The following DLC1 variants were observed in gnomAD, a reference collection of about 807,000 sequenced individuals.
The protein encoded by DLC1 is rho GTPase-activating protein 7.
Under a neutral mutation model 140.3 loss-of-function variants are expected in DLC1, and 54 were observed. The observed-to-expected ratio is 0.38, with a 90% CI of 0.31 to 0.48. DLC1 has a LOEUF of 0.48. Among genes scored for constraint, DLC1 ranks in the 20% least tolerant of loss-of-function variants. The pLI, the probability that DLC1 is intolerant of heterozygous loss-of-function variation, is 0.96. For missense variants in DLC1, 2,536 were observed against 1,907.0 expected, an observed-to-expected ratio of 1.33 and a Z score of -6.14; for synonymous variants, 986 against 728.1, an observed-to-expected ratio of 1.35 and a Z score of -5.70.
At chr8:13,377,563 A>G (rs111435849) in intron 4 of DLC1, among the ~76,000 whole-genome samples, 2 of 152,176 alleles carry the variant, frequency 1.3e-5, no homozygotes, top group African/African-American at 4.8e-5. Context: ...ATCCTAAGAC[A>G]TCAATTTTTA....
intron 5 of DLC1, among the ~76,000 whole-genome samples, chr8:13,121,660 T>G (rs949888188): frequency 6.6e-6 from 1 of 152,096 alleles, no homozygotes; most frequent in African/African-American, 2.4e-5. Context: ...GAAACCCTCC[T>G]GCCTCAGCCT....
At chr8:13,361,920 C>G (rs1835245166) in intron 4 of DLC1, among the ~76,000 whole-genome samples, 1 of 152,142 alleles carries the variant, frequency 6.6e-6, no homozygotes, top group South Asian at 2.1e-4. Context: ...AATGCTAGGC[C>G]AAGCTGAGAC....
chr8:13,267,227 C>T (rs749268572), intron 5 of DLC1, among the ~76,000 whole-genome samples: 3 of 152,028 alleles, frequency 2.0e-5, no homozygotes, highest in Non-Finnish European at 4.4e-5. Context: ...TACTTTTAGA[C>T]CTGAAATGGG....
chr8:13,360,790 C>A (rs1359438589), intron 4 of DLC1, among the ~76,000 whole-genome samples: 2 of 151,866 alleles, frequency 1.3e-5, no homozygotes, highest in East Asian at 1.9e-4. Context: ...ATCTTACTAC[C>A]CACATACAAA....
chr8:13,450,712 C>G (rs1403630721), intron 2 of DLC1, among the ~76,000 whole-genome samples: 2 of 151,916 alleles, frequency 1.3e-5, no homozygotes, highest in South Asian at 2.1e-4. Context: ...CAGCCATCAA[C>G]ATAGTTCTCC....
At chr8:13,127,046 C>G (rs1050386152) in intron 5 of DLC1, among the ~76,000 whole-genome samples, 1 of 152,170 alleles carries the variant, frequency 6.6e-6, no homozygotes, top group African/African-American at 2.4e-5. Context: ...ATTTCTATGT[C>G]AAACCTCAAA....
chr8:13,199,005 C>T (rs1452927185), intron 5 of DLC1, among the ~76,000 whole-genome samples: 1 of 152,054 alleles, frequency 6.6e-6, no homozygotes, highest in African/African-American at 2.4e-5. Context: ...GTGTGAGCCA[C>T]CGTGTCCGGC....
chr8:13,279,230 C>G (rs1284228588), intron 5 of DLC1, among the ~76,000 whole-genome samples: 2 of 152,326 alleles, frequency 1.3e-5, no homozygotes, highest in Non-Finnish European at 2.9e-5. Context: ...GAACCAAGGT[C>G]TGGTTCAACA....
chr8:13,134,739 G>C (rs1822424495), intron 5 of DLC1, among the ~76,000 whole-genome samples: 1 of 152,132 alleles, frequency 6.6e-6, no homozygotes, highest in Non-Finnish European at 1.5e-5. Flanking sequence ...TGGGAGGATT[G>C]CTTGATCCCG....
At chr8:13,327,505 T>TG (rs5889433) in intron 4 of DLC1, among the ~76,000 whole-genome samples, 112,787 of 146,536 alleles carry the variant, frequency 0.77, 43,886 homozygotes, top group Middle Eastern at 0.92. Context: ...GCGGTGGGGG[T>TG]GGGGGTTTCT....
chr8:13,285,043 A>G (rs1269224710), intron 5 of DLC1, among the ~76,000 whole-genome samples: 1 of 152,200 alleles, frequency 6.6e-6, no homozygotes, highest in African/African-American at 2.4e-5. Flanking sequence ...TCTAATGTAT[A>G]TGGAAATACA....
At chr8:13,243,761 T>A (rs1829641590) in intron 5 of DLC1, among the ~76,000 whole-genome samples, 1 of 152,226 alleles carries the variant, frequency 6.6e-6, no homozygotes, top group African/African-American at 2.4e-5. Context: ...CAACATCAAG[T>A]TACTAGCAAC....
At chr8:13,435,628 G>A (rs1839085028) in intron 2 of DLC1, among the ~76,000 whole-genome samples, 2 of 152,154 alleles carry the variant, frequency 1.3e-5, no homozygotes, top group Admixed American at 1.3e-4. Flanking sequence ...GTTGTTTCTT[G>A]TGGATAAACA....
chr8:13,560,091 A>G (rs1804185762), intron 1 of DLC1, among the ~76,000 whole-genome samples: 2 of 152,222 alleles, frequency 1.3e-5, no homozygotes, highest in South Asian at 4.1e-4. Flanking sequence ...CATATTTAAC[A>G]TTATTTGTTG....
At chr8:13,217,125 AC>A (rs2117132304) in intron 5 of DLC1, among the ~76,000 whole-genome samples, 1 of 152,248 alleles carries the variant, frequency 6.6e-6, no homozygotes, top group Admixed American at 6.5e-5. Flanking sequence ...GTAAATAAAA[AC>A]CTAAGTTCTA....
At chr8:13,151,096 A>G (rs1823774775) in intron 5 of DLC1, among the ~76,000 whole-genome samples, 1 of 152,212 alleles carries the variant, frequency 6.6e-6, no homozygotes, top group Non-Finnish European at 1.5e-5. Context: ...TTGAATTACA[A>G]GAGGAGAATG....
chr8:13,159,497 T>C lies in DLC1; in HGVS notation c.1349-43840A>G, dbSNP rs575245742. Among the ~76,000 whole-genome samples the C allele has an allele frequency of 3.7e-4, 57 of 152,262 alleles. No individual in the cohort carries two copies. The Middle Eastern group carries it at 0.01, about 27-fold the overall frequency. ...AGTGGGCTCTCCGGGCTCTGTGCCC[T>C]CTCCCTTGCTGAAGGCACCATCTCA... On this transcript the variant is annotated intron_variant, in intron 5 of 17. Coordinates refer to ENST00000276297, the MANE Select transcript of DLC1 (RefSeq NM_182643.3).
intron 5 of DLC1, among the ~76,000 whole-genome samples, chr8:13,254,985 T>A (rs920093383): frequency 1.3e-5 from 2 of 151,142 alleles, no homozygotes; most frequent in Admixed American, 6.6e-5. Flanking sequence ...TCTTTTTTCT[T>A]ATTTTTTTTG....
intron 5 of DLC1, among the ~76,000 whole-genome samples, chr8:13,141,349 C>A (rs2410026): frequency 1 from 151,172 of 151,310 alleles, 75,517 homozygotes; most frequent in East Asian, 1. Flanking sequence ...TTTTGACTTA[C>A]ATTTTCTGTA....
Sources: allele counts gnomAD v4.1 joint callset (sites outside exome capture counted in the v4.1 genomes callset), GRCh38; gene constraint gnomAD v4.1.1; transcripts MANE v1.5; gene names NCBI Gene and HGNC (gene_info 2026-07-23, HGNC 2026-07-21).